SEMA6D: variants seen among roughly 807,000 people sequenced by gnomAD.
The protein encoded by SEMA6D is semaphorin 6D, also known as semaphorin-6D.
A neutral mutation model predicts 106.6 loss-of-function variants in SEMA6D; 35 were observed. The ratio of observed to expected loss-of-function variants is 0.33; its 90% CI spans 0.25 to 0.44. The LOEUF (loss-of-function observed/expected upper bound fraction) is 0.44. Among genes scored for constraint, SEMA6D ranks in the 20% least tolerant of loss-of-function variants. The probability of loss-of-function intolerance (pLI) is 1.00; values close to 1 mark genes in which losing one functional copy is unlikely to be tolerated. For missense variants in SEMA6D, 1,185 were observed against 1,345.9 expected, an observed-to-expected ratio of 0.88 and a Z score of 1.87; for synonymous variants, 499 against 487.7, an observed-to-expected ratio of 1.02 and a Z score of -0.31.
chr15:47,613,281 AT>A (rs1433396093), intron 4 of SEMA6D, among the ~76,000 whole-genome samples: 10 of 152,198 alleles, frequency 6.6e-5, no homozygotes, highest in African/African-American at 2.4e-4. Flanking sequence ...ATTAGGTTAC[AT>A]TTTAAGTTTC....
At chr15:47,682,707 A>G (rs1170096287) in intron 4 of SEMA6D, among the ~76,000 whole-genome samples, 2 of 152,238 alleles carry the variant, frequency 1.3e-5, no homozygotes, top group African/African-American at 2.4e-5. Flanking sequence ...ACTGCAAATC[A>G]TTCGGTACCA....
intron 4 of SEMA6D, among the ~76,000 whole-genome samples, chr15:47,656,838 G>T (rs1158808549): frequency 6.6e-6 from 1 of 152,192 alleles, no homozygotes; most frequent in Non-Finnish European, 1.5e-5. Flanking sequence ...AGAGAGGATG[G>T]TGATCAGCAT....
At position 47,364,089 on chromosome 15, in the gene SEMA6D, C is replaced by T. The variant is rs756406316; in HGVS notation, c.-238-48304C>T. 2.6e-5 allele frequency among the ~76,000 whole-genome samples: 4 copies of T among 152,214 alleles called. No homozygotes were observed. The East Asian group carries it at 7.8e-4, about 29-fold the overall frequency. ...TTTGGGTGGGGACACACAGCCAAAC[C>T]GTATCAGAAGCTGACTAAATTAAGA... On this transcript the variant is annotated intron_variant, in intron 1 of 19. Coordinates refer to the SEMA6D transcript ENST00000558014.
At chr15:47,261,388 A>G (rs1342245652) in intron 1 of SEMA6D, among the ~76,000 whole-genome samples, 1 of 152,160 alleles carries the variant, frequency 6.6e-6, no homozygotes, top group African/African-American at 2.4e-5. Flanking sequence ...TTCAAAAGCC[A>G]GGCTTTCTTT....
intron 1 of SEMA6D, among the ~76,000 whole-genome samples, chr15:47,300,565 CT>C (rs897270334): frequency 2.6e-5 from 4 of 152,076 alleles, no homozygotes; most frequent in African/African-American, 9.7e-5. Context: ...TAGCTAGGTG[CT>C]TTTTTTAACA....
intron 4 of SEMA6D, among the ~76,000 whole-genome samples, chr15:47,625,030 A>G (rs959945462): frequency 1.3e-5 from 2 of 152,200 alleles, no homozygotes; most frequent in African/African-American, 4.8e-5. Context: ...TTCAATTTTT[A>G]CAATACGTTA....
intron 2 of SEMA6D, among the ~76,000 whole-genome samples, chr15:47,454,467 CA>C (rs1211872618): frequency 4.6e-5 from 7 of 151,878 alleles, no homozygotes; most frequent in Non-Finnish European, 1.0e-4. Context: ...GACTGCATGG[CA>C]TCTTGTGAAG....
At chr15:47,635,484 G>C (rs1037771645) in intron 4 of SEMA6D, among the ~76,000 whole-genome samples, 3 of 152,256 alleles carry the variant, frequency 2.0e-5, no homozygotes, top group Non-Finnish European at 4.4e-5. Flanking sequence ...TTTTTCCCCA[G>C]CCAGACAGAT....
At chr15:47,471,324 A>G (rs1366789621) in intron 3 of SEMA6D, among the ~76,000 whole-genome samples, 2 of 152,092 alleles carry the variant, frequency 1.3e-5, no homozygotes, top group Non-Finnish European at 2.9e-5. Flanking sequence ...CCATAAATAT[A>G]TCTTCAAGAT....
intron 4 of SEMA6D, among the ~76,000 whole-genome samples, chr15:47,675,491 G>A (rs750803191): frequency 5.3e-5 from 8 of 152,076 alleles, no homozygotes; most frequent in Non-Finnish European, 1.2e-4. Flanking sequence ...GGACCTCAGG[G>A]AAAACTAGCC....
chr15:47,200,037 A>G (rs766837513), intron 1 of SEMA6D, among the ~76,000 whole-genome samples: 1 of 152,154 alleles, frequency 6.6e-6, no homozygotes, highest in Non-Finnish European at 1.5e-5. Context: ...TCCTCAGAGA[A>G]CACACTTTTA....
At chr15:47,341,358 C>G (rs2037805755) in intron 1 of SEMA6D, among the ~76,000 whole-genome samples, 1 of 152,092 alleles carries the variant, frequency 6.6e-6, no homozygotes, top group African/African-American at 2.4e-5. Flanking sequence ...CCACTGCACT[C>G]CAGCCTGGGT....
intron 1 of SEMA6D, chr15:47,241,430 T>G (rs1279240682): frequency 6.6e-6 from 1 of 151,910 alleles, no homozygotes; most frequent in East Asian, 1.9e-4. Context: ...TGTTGTTGTT[T>G]CATTTTTGGT....
rs2040265655 is a variant in SEMA6D, at chr15:47,397,769, C to T, written c.-238-14624C>T. On this transcript the variant is annotated intron_variant, in intron 1 of 19. Coordinates refer to the SEMA6D transcript ENST00000558014. ...CCGCTTGCCATTGAAGATGTTGTAA[C>T]ATAACTATGATGTCATATATCCATT... is the stretch of plus-strand genomic sequence containing the variant. The T allele has an allele frequency of 2.0e-5, 3 of 152,294 alleles. No homozygotes were observed. In the South Asian group the frequency reaches 6.2e-4, roughly 32 times the overall value. The allele number at this position is 152,294 out of a possible 1,614,324, so 9.4% of individuals were successfully genotyped here.
intron 3 of SEMA6D, among the ~76,000 whole-genome samples, chr15:47,508,945 GT>G (rs199626221): frequency 1.8e-4 from 27 of 150,728 alleles, no homozygotes; most frequent in Admixed American, 1.5e-3. Context: ...ATTTCTGCTG[GT>G]TTTTTTTTGC....
chr15:47,757,713 T>C (rs2081834509), intron 1 of SEMA6D, among the ~76,000 whole-genome samples: 1 of 152,216 alleles, frequency 6.6e-6, no homozygotes, highest in Admixed American at 6.5e-5. Context: ...TTTAGTGCTC[T>C]AAAGTAACTA....
intron 1 of SEMA6D, chr15:47,393,217 A>G (rs539560958): frequency 1.4e-3 from 220 of 152,336 alleles, no homozygotes; most frequent in African/African-American, 5.2e-3. Flanking sequence ...ATCATCAAAA[A>G]AATAAATTGA....
In SEMA6D at chr15:47,772,357, CGTGTGT is replaced by C. The variant is rs71432251; in HGVS notation, c.*601_*606del. The C allele has an allele frequency of 1.7e-3, 245 of 141,670 alleles. 2 individuals carry two copies. Among genetic ancestry groups the C allele is most frequent in the African/African-American group, 6.1e-3 (225 of 37,124 alleles). 8.8% of individuals were successfully genotyped at this position (141,670 alleles called of 1,614,324 possible). A position where few individuals can be genotyped will look rare whatever the true frequency, so the allele number is the denominator to read the frequency against. On this transcript the variant is annotated 3_prime_UTR_variant, in exon 19 of 19. Transcript: ENST00000536845. ...CACCAACAAACTTGTTGTGTGTGTG[CGTGTGT>C]GTGTGTGTGTGTGTGTGTGTGTGTG...
intron 3 of SEMA6D, among the ~76,000 whole-genome samples, chr15:47,504,340 C>G (rs2043962921): frequency 6.6e-6 from 1 of 152,158 alleles, no homozygotes; most frequent in Admixed American, 6.5e-5. Flanking sequence ...GTGAGCAGCC[C>G]TGAGTTGTCC....
Sources: gnomAD v4.1 joint callset for allele counts (sites outside exome capture counted in the v4.1 genomes callset) on GRCh38, gnomAD v4.1.1 for gene constraint, MANE v1.5 for transcripts, NCBI Gene and HGNC (gene_info 2026-07-23, HGNC 2026-07-21) for gene names.